Variants in DGKI observed in about 807,000 individuals in gnomAD.
DGKI encodes the protein DAG kinase iota.
A neutral mutation model predicts 147.5 loss-of-function variants in DGKI; 55 were observed. That is an observed-to-expected ratio of 0.37 (90% confidence interval 0.30 to 0.47). DGKI has a LOEUF of 0.47. DGKI is among the 20% of genes least tolerant of loss of function. The probability of loss-of-function intolerance (pLI) is 1.00; values close to 1 mark genes in which losing one functional copy is unlikely to be tolerated. For synonymous variants in DGKI, 469 were observed against 477.1 expected, an observed-to-expected ratio of 0.98 and a Z score of 0.22; for missense variants, 1,007 against 1,323.8, an observed-to-expected ratio of 0.76 and a Z score of 3.71.
At chr7:137,497,602 A>C (rs1816015337) in intron 21 of DGKI, among the ~76,000 whole-genome samples, 1 of 152,126 alleles carries the variant, frequency 6.6e-6, no homozygotes, top group Admixed American at 6.6e-5. Flanking sequence ...ATGCAATACT[A>C]CATAGCCATT....
In DGKI at chr7:137,714,024, G is replaced by A. The variant is rs571804141; in HGVS notation, c.402-24022C>T. ...TTTCTACTATTTCTCAGACATTATT[G>A]ACCCATAGTCCTATGACCAAATTTA... On this transcript the variant is annotated intron_variant, in intron 1 of 32. Coordinates refer to ENST00000614521, the MANE Select transcript of DGKI (RefSeq NM_001321708.2). Among the ~76,000 whole-genome samples, 5 of 152,194 alleles carry A rather than the reference G, an allele frequency of 3.3e-5. No homozygotes were observed. The South Asian group carries it at 1.0e-3, about 32-fold the overall frequency.
chr7:137,818,734 A>G (rs2246546), intron 1 of DGKI, among the ~76,000 whole-genome samples: 85,777 of 151,936 alleles, frequency 0.56, 25,973 homozygotes, highest in African/African-American at 0.77. Flanking sequence ...GAGCCACCGC[A>G]CCTGGCCCTC....
chr7:137,472,063 T>C (rs906156929), intron 23 of DGKI, among the ~76,000 whole-genome samples: 1 of 130,210 alleles, frequency 7.7e-6, no homozygotes, highest in African/African-American at 2.9e-5. Context: ...GTTATATACA[T>C]ACATATATAT....
intron 28 of DGKI, among the ~76,000 whole-genome samples, chr7:137,419,483 T>G (rs1227948164): frequency 1.3e-5 from 2 of 152,226 alleles, no homozygotes; most frequent in African/African-American, 4.8e-5. Flanking sequence ...CCAATTTTTC[T>G]ATTTTGTGAG....
chr7:137,665,666 C>T (rs1335314766), intron 3 of DGKI, among the ~76,000 whole-genome samples: 2 of 152,132 alleles, frequency 1.3e-5, no homozygotes, highest in Non-Finnish European at 2.9e-5. Flanking sequence ...TAGGCTGAAC[C>T]CCACCTAGGC....
intron 21 of DGKI, among the ~76,000 whole-genome samples, chr7:137,521,260 A>T (rs1486786260): frequency 2.0e-5 from 3 of 152,094 alleles, no homozygotes; most frequent in African/African-American, 7.2e-5. Flanking sequence ...AGTGAGATGA[A>T]CTAACAATTA....
chr7:137,623,489 C>A lies in DGKI; in HGVS notation c.870G>T (p.Lys290Asn), dbSNP rs748136826. ...TATTTCATCCCAATCTTACCGCCTG[C>A]TTGCACCAGGAACAGCTGATAGCCA... Reference protein sequence around the residue: ...EIVAISCSWCKQAFHNKVTCF... With the variant: ...EIVAISCSWCNQAFHNKVTCF... The change falls in exon 7 of 33, where the codon AAG (lysine) becomes AAT (asparagine). Residue 290 changes from lysine (K) to asparagine (N), a missense_variant. Lys to Asn is a moderately conservative substitution (Grantham distance 94). Coordinates refer to ENST00000614521, the MANE Select transcript of DGKI (RefSeq NM_001321708.2). The A allele has an allele frequency of 6.2e-7, 1 of 1,613,688 alleles. No individual in the cohort carries two copies. The highest frequency in any genetic ancestry group is 8.5e-7 in the Non-Finnish European group (1 of 1,179,756).
chr7:137,404,764 C>T (rs1437397605), intron 30 of DGKI, among the ~76,000 whole-genome samples: 10 of 152,060 alleles, frequency 6.6e-5, no homozygotes, highest in Admixed American at 3.9e-4. Flanking sequence ...AATAAGCACC[C>T]CCACCCCCCT....
At chr7:137,472,324 T>A (rs368082848) in intron 23 of DGKI, among the ~76,000 whole-genome samples, 3,069 of 7,348 alleles carry the variant, frequency 0.42, 718 homozygotes, top group African/African-American at 0.47. Context: ...ATATAATTAT[T>A]ATATGTATAT....
intron 2 of DGKI, among the ~76,000 whole-genome samples, chr7:137,685,485 T>C (rs1363710277): frequency 6.6e-6 from 1 of 152,174 alleles, no homozygotes; most frequent in Admixed American, 6.5e-5. Flanking sequence ...GAAGTCTCCA[T>C]TGGAAGGGAG....
intron 12 of DGKI, among the ~76,000 whole-genome samples, chr7:137,590,630 A>C (rs1819574876): frequency 6.6e-6 from 1 of 152,154 alleles, no homozygotes; most frequent in African/African-American, 2.4e-5. Context: ...TGGAACACAA[A>C]CAATTTCCAA....
At chr7:137,631,562 G>A (rs1036719334) in intron 6 of DGKI, among the ~76,000 whole-genome samples, 3 of 152,146 alleles carry the variant, frequency 2.0e-5, no homozygotes, top group Non-Finnish European at 2.9e-5. Context: ...GCAGGAATGG[G>A]AGAGAGTGGG....
At chr7:137,706,270 C>T (rs564231587) in intron 1 of DGKI, among the ~76,000 whole-genome samples, 2 of 151,958 alleles carry the variant, frequency 1.3e-5, no homozygotes, top group East Asian at 3.9e-4. Context: ...GGGGTCTCCT[C>T]TTTTCTGTAA....
At chr7:137,619,375 T>C (rs1218030551) in intron 8 of DGKI, among the ~76,000 whole-genome samples, 1 of 152,226 alleles carries the variant, frequency 6.6e-6, no homozygotes, top group Admixed American at 6.5e-5. Flanking sequence ...AGGAAGGTCA[T>C]GATTCATGGT....
intron 10 of DGKI, among the ~76,000 whole-genome samples, chr7:137,607,494 G>A (rs1420881579): frequency 6.6e-6 from 1 of 152,122 alleles, no homozygotes; most frequent in Non-Finnish European, 1.5e-5. Flanking sequence ...TGGATCATCA[G>A]CTCCTTAAAG....
chr7:137,495,161 A>C (rs1368356694), intron 21 of DGKI, among the ~76,000 whole-genome samples: 3 of 152,138 alleles, frequency 2.0e-5, no homozygotes, highest in Non-Finnish European at 2.9e-5. Context: ...ACTACTATGA[A>C]TACCTCTCTG....
chr7:137,714,588 G>A (rs1305944104), intron 1 of DGKI, among the ~76,000 whole-genome samples: 1 of 152,094 alleles, frequency 6.6e-6, no homozygotes, highest in Non-Finnish European at 1.5e-5. Flanking sequence ...TATCAAATTG[G>A]ACATGCAGAA....
chr7:137,696,698 G>A (rs764712000), intron 1 of DGKI, among the ~76,000 whole-genome samples: 1 of 148,200 alleles, frequency 6.7e-6, no homozygotes, highest in East Asian at 2.0e-4. Flanking sequence ...ATCACTTGAG[G>A]GAAAAAGTAA....
At chr7:137,391,967 A>G (rs1266627526) in intron 32 of DGKI, among the ~76,000 whole-genome samples, 1 of 152,154 alleles carries the variant, frequency 6.6e-6, no homozygotes, top group Non-Finnish European at 1.5e-5. Flanking sequence ...AAAGAAGAAA[A>G]GGAATATCCC....
Sources: gnomAD v4.1 joint callset for allele counts (sites outside exome capture counted in the v4.1 genomes callset) on GRCh38, gnomAD v4.1.1 for gene constraint, MANE v1.5 for transcripts, NCBI Gene and HGNC (gene_info 2026-07-23, HGNC 2026-07-21) for gene names.